TMEM237: variants seen among roughly 807,000 people sequenced by gnomAD.
The protein encoded by TMEM237 is amyotrophic lateral sclerosis 2 (juvenile) chromosome region, candidate 4.
A neutral mutation model predicts 59.1 loss-of-function variants in TMEM237; 51 were observed. The ratio of observed to expected loss-of-function variants is 0.86; its 90% CI spans 0.69 to 1.09. TMEM237 has a LOEUF of 1.09. Among genes scored for constraint, TMEM237 ranks in the 50% least tolerant of loss-of-function variants. The pLI, the probability that TMEM237 is intolerant of heterozygous loss-of-function variation, is 0.00. For missense variants in TMEM237, 475 were observed against 478.3 expected (o/e 0.99, Z 0.06); for synonymous variants, 140 against 166.1 (o/e 0.84, Z 1.21).
chr2:201,632,026 A>G, intron 7 of TMEM237, 25 bp downstream of exon 7: 1 of 1,612,196 alleles, frequency 6.2e-7, no homozygotes, highest in Non-Finnish European at 8.5e-7. Context: ...AAGAGTTCAT[A>G]TTCTAAAACA....
intron 6 of TMEM237, 42 bp downstream of exon 6, chr2:201,633,269 G>A (rs766345455): frequency 6.4e-7 from 1 of 1,565,826 alleles, no homozygotes. Context: ...AAAGCATCAG[G>A]GTAATCCTGG....
chr2:201,629,256 A>T lies in TMEM237; in HGVS notation c.843T>A (p.Ala281=). ...PFQSLLYLLL[A]LSTISAFDRI... is the part of the protein sequence containing the mutation. ...TGTCAAAAGCTGAAATTGTACTCAG[A>T]GCCAAAAGCAAGTACAGAAGACTCT... Residue 281 remains alanine, a synonymous_variant, in exon 9 of 13, where the codon GCT becomes GCA. Coordinates refer to ENST00000409883, the MANE Select transcript of TMEM237 (RefSeq NM_001044385.3). 1 of 1,579,986 alleles carries T rather than the reference A, an allele frequency of 6.3e-7. No individual in the cohort carries two copies. The highest frequency in any genetic ancestry group is 8.6e-7 in the Non-Finnish European group (1 of 1,169,210).
At chr2:201,630,176 A>T (rs1957796379) in intron 7 of TMEM237, among the ~76,000 whole-genome samples, 1 of 152,202 alleles carries the variant, frequency 6.6e-6, no homozygotes, top group Non-Finnish European at 1.5e-5. Context: ...AATCTTTAAC[A>T]TGACCTAGTC....
intron 6 of TMEM237, 119 bp downstream of exon 6, chr2:201,633,192 C>G: frequency 2.0e-6 from 2 of 1,006,406 alleles, no homozygotes; most frequent in Non-Finnish European, 2.7e-6. Flanking sequence ...AATACTTATC[C>G]TAGAGGTACA....
At chr2:201,633,465 C>T (rs746674386) in intron 5 of TMEM237, 34 bp from the exon 6 acceptor site, 2 of 1,466,316 alleles carry the variant, frequency 1.4e-6, no homozygotes, top group South Asian at 2.8e-5. Context: ...TTTCAAATAA[C>T]TAAAACATAA....
chr2:201,625,906 T>C, intron 12 of TMEM237, 120 bp downstream of exon 12: 3 of 1,071,364 alleles, frequency 2.8e-6, no homozygotes, highest in Non-Finnish European at 3.9e-6. Context: ...TCTTGTATCA[T>C]TTTAATTTAA....
At chr2:201,639,733 T>C (rs985311126) in intron 3 of TMEM237, among the ~76,000 whole-genome samples, 3 of 151,270 alleles carry the variant, frequency 2.0e-5, no homozygotes, top group East Asian at 3.9e-4. Context: ...GAGGCAGAGA[T>C]TGCAGTGAGC....
chr2:201,627,495 A>T (rs1957769860), intron 10 of TMEM237, 81 bp from the exon 11 acceptor site: 1 of 940,970 alleles, frequency 1.1e-6, no homozygotes, highest in Non-Finnish European at 1.6e-6. Context: ...ATCGAAAATA[A>T]TCTATACTTT....
At chr2:201,634,014 A>G (rs1159789706) in intron 5 of TMEM237, among the ~76,000 whole-genome samples, 1 of 152,222 alleles carries the variant, frequency 6.6e-6, no homozygotes, top group African/African-American at 2.4e-5. Flanking sequence ...GGATGCCCGG[A>G]AGGGAAACAG....
In TMEM237 at chr2:201,629,310, T is replaced by C; in HGVS notation, c.789A>G (p.Gln263=). 3 of 1,611,686 alleles carry C rather than the reference T, an allele frequency of 1.9e-6. No individual in the cohort carries two copies. Among genetic ancestry groups the C allele is most frequent in the Non-Finnish European group, 1.7e-6 (2 of 1,179,292 alleles). Reference sequence around the variant, plus strand: ...ATGGATACGCTAGGGTCTTGTATTGTTGCAGAAGGTTTGAGAGGTTGGATA... The same window carrying C: ...ATGGATACGCTAGGGTCTTGTATTGCTGCAGAAGGTTTGAGAGGTTGGATA... The part of the protein sequence containing the change: ...DQLSNLSNLL[Q]QYKTLAYPFQ... The change falls in exon 9 of 13, where the codon CAA becomes CAG. Residue 263 remains glutamine (Q), a synonymous_variant. Coordinates refer to ENST00000409883, the MANE Select transcript of TMEM237 (RefSeq NM_001044385.3).
At position 201,643,311 on chromosome 2, in the gene TMEM237, G is replaced by T; in HGVS notation, c.42+48C>A. The stretch of plus-strand genomic sequence containing the variant: ...ACACCCACCCCCACTGCCAAGTGTA[G>T]CTGTTTACCCGCCACCTCTCGAGGC... On this transcript the variant is annotated intron_variant, in intron 1 of 12. Transcript: ENST00000409883. The surrounding 1 kb of genome is among the most constrained non-coding windows in gnomAD (Gnocchi z 4.3). 5 of 1,510,184 alleles carry T rather than the reference G, an allele frequency of 3.3e-6. No individual in the cohort carries two copies. The highest frequency in any genetic ancestry group is 4.5e-6 in the Non-Finnish European group (5 of 1,113,494). 93.5% of individuals were successfully genotyped at this position (1,510,184 alleles called of 1,614,324 possible).
chr2:201,636,442 CA>C (rs1448408809), intron 5 of TMEM237: 1 of 245,298 alleles, frequency 4.1e-6, no homozygotes, highest in African/African-American at 2.3e-5. Flanking sequence ...ACCATTTCCC[CA>C]CTAATCTGAA....
At chr2:201,631,657 A>G (rs2105899988) in intron 7 of TMEM237, among the ~76,000 whole-genome samples, 1 of 152,270 alleles carries the variant, frequency 6.6e-6, no homozygotes, top group East Asian at 1.9e-4. Context: ...ATAAATCCAG[A>G]AACAACCAGC....
In TMEM237 at chr2:201,632,238, G is replaced by A. The variant is rs189643067; in HGVS notation, c.396-30C>T. 2.3e-4 allele frequency: 375 copies of A among 1,609,312 alleles called. 2 individuals are homozygous for A. Among genetic ancestry groups the A allele is most frequent in the Middle Eastern group, 1.7e-3 (10 of 6,040 alleles). ...AATAAGGACGTATGTATGAAAAATA[G>A]ATGATTATTGAATTTTTTACAGACT... is the stretch of plus-strand genomic sequence containing the variant. On this transcript the variant is annotated intron_variant, in intron 6 of 12. Transcript: ENST00000409883.
Position 201,643,501 on chromosome 2 carries a change from C to T in TMEM237, c.-101G>A. 1 of 1,079,210 alleles carries T rather than the reference C, an allele frequency of 9.3e-7. No individual in the cohort carries two copies. Among genetic ancestry groups the T allele is most frequent in the South Asian group, 2.4e-5 (1 of 41,136 alleles). 66.9% of individuals were successfully genotyped at this position (1,079,210 alleles called of 1,614,324 possible). A position where few individuals can be genotyped will look rare whatever the true frequency, so the allele number is the denominator to read the frequency against. On this transcript the variant is annotated 5_prime_UTR_variant, in exon 1 of 13. Coordinates refer to ENST00000409883, the MANE Select transcript of TMEM237 (RefSeq NM_001044385.3). This position sits in a 1 kb window ranked among gnomAD's most constrained non-coding sequence, Gnocchi z 4.3. ...CGGGACCTGTGGGACGCCGGGGCTTCGTGGCGCCTGGCGAGGCAGCCGCCC... is the reference window on the plus strand; with the variant it reads ...CGGGACCTGTGGGACGCCGGGGCTTTGTGGCGCCTGGCGAGGCAGCCGCCC...
chr2:201,628,781 C>A (rs1914261), intron 9 of TMEM237, among the ~76,000 whole-genome samples: 64,259 of 151,966 alleles, frequency 0.42, 14,130 homozygotes, highest in Non-Finnish European at 0.49. Context: ...GAAACAGACT[C>A]TCCCTCAGAG....
intron 6 of TMEM237, among the ~76,000 whole-genome samples, chr2:201,632,682 T>C (rs181622628): frequency 6.1e-4 from 93 of 152,324 alleles, no homozygotes; most frequent in African/African-American, 1.7e-3. Context: ...TCCACCATGA[T>C]AGTAAGTTTC....
chr2:201,642,759 C>T lies in TMEM237; in HGVS notation c.42+600G>A. Reference sequence around the variant, plus strand: ...CTGGCTAGTACCCCGCGCGCAGCGCCCTGCGGGGATGTTGCGGTGAGAGGC... The same window carrying T: ...CTGGCTAGTACCCCGCGCGCAGCGCTCTGCGGGGATGTTGCGGTGAGAGGC... On this transcript the variant is annotated intron_variant, in intron 1 of 12. Transcript: ENST00000409883. 4 of 1,448,502 alleles carry T rather than the reference C, an allele frequency of 2.8e-6. No individual in the cohort carries two copies. The South Asian group carries it at 5.9e-5, about 21-fold the overall frequency. The allele number at this position is 1,448,502 out of a possible 1,614,324, so 89.7% of individuals were successfully genotyped here.
intron 1 of TMEM237, chr2:201,642,616 T>C: frequency 6.2e-7 from 1 of 1,609,044 alleles, no homozygotes; most frequent in Non-Finnish European, 8.5e-7. Flanking sequence ...TACCACAGGA[T>C]TCTTCCCCAT....
Sources: gnomAD v4.1 joint callset for allele counts (sites outside exome capture counted in the v4.1 genomes callset) on GRCh38, gnomAD v4.1.1 for gene constraint, Gnocchi (gnomAD v3.1) non-coding constraint, MANE v1.5 for transcripts, NCBI Gene and HGNC (gene_info 2026-07-23, HGNC 2026-07-21) for gene names.